CADPS: variants seen among roughly 807,000 people sequenced by gnomAD.
The protein encoded by CADPS is calcium dependent secretion activator.
CADPS carries 57 observed loss-of-function variants against 167.3 expected under a neutral mutation model. That is an observed-to-expected ratio of 0.34 (90% CI 0.28 to 0.42). CADPS has a LOEUF of 0.42. CADPS is among the 20% of genes least tolerant of loss of function. The probability of loss-of-function intolerance (pLI) is 1.00; values close to 1 mark genes in which losing one functional copy is unlikely to be tolerated. For synonymous variants in CADPS, 676 were observed against 635.3 expected (o/e 1.06, Z -0.96); for missense variants, 1,414 against 1,738.1 (o/e 0.81, Z 3.32).
intron 8 of CADPS, among the ~76,000 whole-genome samples, chr3:62,580,010 G>T (rs570500554): frequency 6.6e-6 from 1 of 152,050 alleles, no homozygotes; most frequent in African/African-American, 2.4e-5. Flanking sequence ...ATTTGATGAC[G>T]GCCAGGTTTG....
At chr3:62,686,771 T>A (rs1033214613) in intron 3 of CADPS, among the ~76,000 whole-genome samples, 4 of 152,094 alleles carry the variant, frequency 2.6e-5, no homozygotes, top group Non-Finnish European at 5.9e-5. Flanking sequence ...TTTATTTCAG[T>A]AGGATTTTAA....
chr3:62,649,931 A>C (rs2150170767), intron 5 of CADPS, among the ~76,000 whole-genome samples: 1 of 152,228 alleles, frequency 6.6e-6, no homozygotes, highest in Admixed American at 6.5e-5. Flanking sequence ...TTAATTGCTG[A>C]ATCATATTCC....
At chr3:62,658,481 TAGAG>T (rs906652876) in intron 4 of CADPS, among the ~76,000 whole-genome samples, 7 of 152,168 alleles carry the variant, frequency 4.6e-5, no homozygotes, top group African/African-American at 1.7e-4. Flanking sequence ...GCAGACTCAT[TAGAG>T]AACCTTGGTC....
chr3:62,670,793 C>G (rs1395850185), intron 3 of CADPS, among the ~76,000 whole-genome samples: 1 of 152,138 alleles, frequency 6.6e-6, no homozygotes, highest in Non-Finnish European at 1.5e-5. Flanking sequence ...CTCTTCTTTT[C>G]CTTTCTACCA....
intron 1 of CADPS, among the ~76,000 whole-genome samples, chr3:62,808,331 C>G (rs2094214610): frequency 1.3e-5 from 2 of 151,878 alleles, no homozygotes; most frequent in Non-Finnish European, 2.9e-5. Context: ...TTAGAGAGGT[C>G]AAGAGGCAGA....
intron 1 of CADPS, among the ~76,000 whole-genome samples, chr3:62,784,702 G>A (rs1158244994): frequency 1.3e-5 from 2 of 149,918 alleles, no homozygotes; most frequent in Non-Finnish European, 2.9e-5. Context: ...AATCCACATT[G>A]TGGGAAACTC....
rs75352753 is a variant in CADPS at position 62,429,766 on chromosome 3, G to C, written c.3777+8338C>G. Among the ~76,000 whole-genome samples, 16 of 152,042 alleles carry C rather than the reference G, an allele frequency of 1.1e-4. 1 individual carries two copies. The East Asian group carries it at 3.1e-3, about 29-fold the overall frequency. ...AGTATTGTGTGGGTCATGTTAACAA[G>C]AATACTGTGACCTTAACGTAACAGA... On this transcript the variant is annotated intron_variant, in intron 28 of 29. Coordinates refer to ENST00000383710, the MANE Select transcript of CADPS (RefSeq NM_003716.4).
chr3:62,556,994 AACACACACACACAC>A (rs56228621), intron 10 of CADPS, among the ~76,000 whole-genome samples: 2,381 of 143,570 alleles, frequency 0.017, 46 homozygotes, highest in East Asian at 0.074. Flanking sequence ...GGTGAAAAAC[AACACACACACACAC>A]ACACACACAC....
At chr3:62,732,365 C>A (rs2078073046) in intron 3 of CADPS, among the ~76,000 whole-genome samples, 1 of 152,126 alleles carries the variant, frequency 6.6e-6, no homozygotes, top group Non-Finnish European at 1.5e-5. Flanking sequence ...GTCCAACAGC[C>A]CACAAGGAAC....
At chr3:62,621,041 A>G (rs1031482719) in intron 6 of CADPS, among the ~76,000 whole-genome samples, 7 of 152,138 alleles carry the variant, frequency 4.6e-5, no homozygotes, top group Admixed American at 1.3e-4. Flanking sequence ...GACAAACTCA[A>G]CACTCTCTTC....
chr3:62,478,652 G>A lies in CADPS; in HGVS notation c.3174-236C>T, dbSNP rs2061607894. Among the ~76,000 whole-genome samples the A allele has an allele frequency of 6.6e-6, 1 of 152,290 alleles. No individual in the cohort carries two copies. ...CAGACCAGTGAGAAGTCTGGGGAAGGTGTTGCCCCATAACAACCAGGAGAA... is the reference window on the plus strand; with the variant it reads ...CAGACCAGTGAGAAGTCTGGGGAAGATGTTGCCCCATAACAACCAGGAGAA... On this transcript the variant is annotated intron_variant, in intron 22 of 29. Transcript: ENST00000383710. The surrounding 1 kb of genome is among the most constrained non-coding windows in gnomAD (Gnocchi z 5.7).
chr3:62,591,631 A>G lies in CADPS; in HGVS notation c.1437+1006T>C, dbSNP rs149087177. Among the ~76,000 whole-genome samples the G allele has an allele frequency of 2.6e-5, 4 of 152,310 alleles. No individual in the cohort carries two copies. The East Asian group carries it at 7.7e-4, about 29-fold the overall frequency. On this transcript the variant is annotated intron_variant, in intron 7 of 29. Coordinates refer to ENST00000383710, the MANE Select transcript of CADPS (RefSeq NM_003716.4). ...GATTTTACCACAAGCAGGTGGGGTT[A>G]TTGGCAAAATCAACTTGTGAAAATA...
chr3:62,815,864 G>A (rs528953086), intron 1 of CADPS, among the ~76,000 whole-genome samples: 15 of 152,212 alleles, frequency 9.9e-5, no homozygotes, highest in African/African-American at 3.6e-4. Context: ...CTTAAAAGAA[G>A]GAAAGATGAG....
At chr3:62,701,499 C>T (rs1260256041) in intron 3 of CADPS, among the ~76,000 whole-genome samples, 2 of 151,442 alleles carry the variant, frequency 1.3e-5, no homozygotes, top group African/African-American at 4.9e-5. Flanking sequence ...GTCCCAGCTA[C>T]TCGGGAGGCT....
chr3:62,793,763 G>A (rs79743651), intron 1 of CADPS, among the ~76,000 whole-genome samples: 1 of 152,284 alleles, frequency 6.6e-6, no homozygotes, highest in East Asian at 1.9e-4. Context: ...GTGTGCGCAC[G>A]TGCGTGTGTG....
At chr3:62,800,594 G>T (rs1289250050) in intron 1 of CADPS, among the ~76,000 whole-genome samples, 1 of 152,114 alleles carries the variant, frequency 6.6e-6, no homozygotes, top group African/African-American at 2.4e-5. Flanking sequence ...TTAAATTACA[G>T]ATTACAGATT....
At position 62,827,988 on chromosome 3, in the gene CADPS, T is replaced by C. The variant is rs150315011; in HGVS notation, c.441+46601A>G. ...ATGTGGTTCACAGAAGGCAAATAAA[T>C]TGCCTACAGCACTGTGTCTCAGAAA... is the stretch of plus-strand genomic sequence containing the variant. On this transcript the variant is annotated intron_variant, in intron 1 of 29. Transcript: ENST00000383710. Among the ~76,000 whole-genome samples, 55 of 152,264 alleles carry C rather than the reference T, an allele frequency of 3.6e-4. 1 individual carries two copies. The highest frequency in any genetic ancestry group is 1.3e-3 in the African/African-American group (53 of 41,574).
At chr3:62,799,004 T>A (rs1408889878) in intron 1 of CADPS, among the ~76,000 whole-genome samples, 2 of 152,150 alleles carry the variant, frequency 1.3e-5, no homozygotes, top group Non-Finnish European at 2.9e-5. Context: ...ATTCCTAGTA[T>A]TACCCTATAG....
chr3:62,575,360 C>A (rs7620572), intron 8 of CADPS, among the ~76,000 whole-genome samples: 26,101 of 152,072 alleles, frequency 0.17, 2,507 homozygotes, highest in South Asian at 0.31. Context: ...GTGCTTAAAT[C>A]TGGAGATATG....
Sources: allele counts gnomAD v4.1 joint callset (sites outside exome capture counted in the v4.1 genomes callset), GRCh38; gene constraint gnomAD v4.1.1; non-coding constraint Gnocchi (gnomAD v3.1); transcripts MANE v1.5; gene names NCBI Gene and HGNC (gene_info 2026-07-23, HGNC 2026-07-21).